KLF7: variants seen among roughly 807,000 people sequenced by gnomAD.
KLF7 encodes the protein KLF transcription factor 7.
KLF7 carries 2 observed loss-of-function variants against 27.3 expected under a neutral mutation model. The ratio of observed to expected loss-of-function variants is 0.07; its 90% CI spans 0.03 to 0.23. The LOEUF is 0.23. Among genes scored for constraint, KLF7 ranks in the 10% least tolerant of loss-of-function variants. The pLI is 1.00. For synonymous variants in KLF7, 165 were observed against 162.4 expected (o/e 1.02, Z -0.12); for missense variants, 221 against 394.1 (o/e 0.56, Z 3.72).
intron 1 of KLF7, among the ~76,000 whole-genome samples, chr2:207,153,094 G>T (rs2078288467): frequency 6.6e-6 from 1 of 152,080 alleles, no homozygotes; most frequent in Non-Finnish European, 1.5e-5. Flanking sequence ...GACTAGAGAA[G>T]TCACATCATT....
intron 2 of KLF7, among the ~76,000 whole-genome samples, chr2:207,108,878 T>G (rs1272881): frequency 0.82 from 124,696 of 152,212 alleles, 51,743 homozygotes; most frequent in African/African-American, 0.9. Context: ...TAAAGGCACA[T>G]AAATCATTTC....
rs573777440 is a variant in KLF7 at position 207,074,981 on chromosome 2, C to A, written c.*6232G>T. ...TAACCTAATACAACCTTTTGCTTTC[C>A]CTTTCTCCAAGAAAGAAAACTTTCA... is the stretch of plus-strand genomic sequence containing the variant. On this transcript the variant is annotated 3_prime_UTR_variant, in exon 4 of 4. Coordinates refer to ENST00000309446, the MANE Select transcript of KLF7 (RefSeq NM_003709.4). 2 of 152,204 alleles carry A rather than the reference C, an allele frequency of 1.3e-5. No homozygotes were observed. The highest frequency in any genetic ancestry group is 4.1e-4 in the South Asian group (2 of 4,834). The allele number at this position is 152,204 out of a possible 1,614,324, so 9.4% of individuals were successfully genotyped here.
chr2:207,116,131 G>A (rs796285368), intron 2 of KLF7, among the ~76,000 whole-genome samples: 10 of 152,304 alleles, frequency 6.6e-5, no homozygotes, highest in African/African-American at 2.2e-4. Context: ...TTCTCCATTC[G>A]GTACCGGAGT....
At position 207,124,150 on chromosome 2, in the gene KLF7, T is replaced by C; in HGVS notation, c.357A>G (p.Leu119=). 6.2e-7 allele frequency: 1 copy of C among 1,614,176 alleles called. No homozygotes were observed. Among genetic ancestry groups the C allele is most frequent in the East Asian group, 2.2e-5 (1 of 44,878 alleles). The change falls in exon 2 of 4, where the codon CTA becomes CTG. Residue 119 remains leucine (L), a synonymous_variant. Transcript: ENST00000309446. ...CCTGGTTGACGGCTGTGTAGCTGTC[T>C]AGAGAAGAGCTGGCCGGCTGGAGGC... The part of the protein sequence containing the change: ...CLSLQPASSS[L]DSYTAVNQAQ...
At position 207,076,353 on chromosome 2, in the gene KLF7, G is replaced by A. The variant is rs2076176298; in HGVS notation, c.*4860C>T. On this transcript the variant is annotated 3_prime_UTR_variant, in exon 4 of 4. Transcript: ENST00000309446. ...CCTGTTTGAAAAGAATATCTTGTTT[G>A]GGATATTTGTGAAGTGATGGCCCAG... The A allele has an allele frequency of 6.6e-6, 1 of 152,082 alleles. No individual in the cohort carries two copies. Among genetic ancestry groups the A allele is most frequent in the East Asian group, 1.9e-4 (1 of 5,168 alleles). 9.4% of individuals were successfully genotyped at this position (152,082 alleles called of 1,614,324 possible). A position where few individuals can be genotyped will look rare whatever the true frequency, so the allele number is the denominator to read the frequency against.
intron 3 of KLF7, among the ~76,000 whole-genome samples, chr2:207,086,032 A>T (rs1284738847): frequency 6.7e-6 from 1 of 148,284 alleles, no homozygotes; most frequent in Non-Finnish European, 1.5e-5. Flanking sequence ...AATTTTTTAA[A>T]ACTACCCTAT....
intron 1 of KLF7, among the ~76,000 whole-genome samples, chr2:207,163,413 G>A (rs1253012273): frequency 6.6e-6 from 1 of 152,196 alleles, no homozygotes; most frequent in Non-Finnish European, 1.5e-5. Flanking sequence ...AGGCAGAGGA[G>A]CAGGGGGAGG....
At chr2:207,109,566 T>C (rs144976933) in intron 2 of KLF7, among the ~76,000 whole-genome samples, 1 of 152,306 alleles carries the variant, frequency 6.6e-6, no homozygotes, top group East Asian at 1.9e-4. Context: ...GAAGGATGTA[T>C]GTGAAACACT....
At chr2:207,107,447 A>G (rs937873895) in intron 2 of KLF7, among the ~76,000 whole-genome samples, 4 of 152,158 alleles carry the variant, frequency 2.6e-5, no homozygotes, top group African/African-American at 9.7e-5. Context: ...ATCCCTATCA[A>G]TTTGGGTAAA....
At chr2:207,082,596 C>A (rs942805016) in intron 3 of KLF7, among the ~76,000 whole-genome samples, 9 of 152,202 alleles carry the variant, frequency 5.9e-5, no homozygotes, top group Non-Finnish European at 1.5e-5. Context: ...TGAATGAAAT[C>A]CCAGTGAAGT....
chr2:207,118,680 A>G (rs934977914), intron 2 of KLF7, among the ~76,000 whole-genome samples: 2 of 152,206 alleles, frequency 1.3e-5, no homozygotes, highest in Admixed American at 6.5e-5. Flanking sequence ...CATCTATAAA[A>G]TAAGATGGTA....
At chr2:207,126,502 C>T (rs961733148) in intron 1 of KLF7, among the ~76,000 whole-genome samples, 2 of 152,128 alleles carry the variant, frequency 1.3e-5, no homozygotes, top group Admixed American at 6.5e-5. Flanking sequence ...TGGAAATGAC[C>T]ACTAATACAT....
chr2:207,107,760 C>CACA (rs1408574436), intron 2 of KLF7, among the ~76,000 whole-genome samples: 1 of 152,186 alleles, frequency 6.6e-6, no homozygotes, highest in African/African-American at 2.4e-5. Context: ...CATACCAGCT[C>CACA]ACAGTTCTCT....
At chr2:207,149,615 T>C (rs375140163) in intron 1 of KLF7, among the ~76,000 whole-genome samples, 2 of 152,210 alleles carry the variant, frequency 1.3e-5, no homozygotes, top group East Asian at 1.9e-4. Flanking sequence ...TAAGGCAGTA[T>C]GAGAGTGCAG....
intron 1 of KLF7, among the ~76,000 whole-genome samples, chr2:207,135,936 T>C (rs2077772685): frequency 6.6e-6 from 1 of 152,222 alleles, no homozygotes; most frequent in Admixed American, 6.5e-5. Context: ...AAGTAAAAGC[T>C]GTCTCCTTGC....
chr2:207,125,453 G>A (rs2077453721), intron 1 of KLF7, among the ~76,000 whole-genome samples: 1 of 152,170 alleles, frequency 6.6e-6, no homozygotes, highest in Non-Finnish European at 1.5e-5. Flanking sequence ...AAGACCCACT[G>A]ATGGCAAATT....
At chr2:207,133,501 G>A (rs1476141707) in intron 1 of KLF7, among the ~76,000 whole-genome samples, 1 of 152,184 alleles carries the variant, frequency 6.6e-6, no homozygotes, top group Admixed American at 6.5e-5. Flanking sequence ...CAAGGACGTG[G>A]GAGGAGGCCT....
intron 1 of KLF7, among the ~76,000 whole-genome samples, chr2:207,152,028 A>G (rs2078260723): frequency 6.6e-6 from 1 of 152,240 alleles, no homozygotes; most frequent in African/African-American, 2.4e-5. Context: ...AGGAAGGCCA[A>G]GTGCCTTGCT....
chr2:207,119,726 C>T (rs1049709287), intron 2 of KLF7, among the ~76,000 whole-genome samples: 11 of 152,054 alleles, frequency 7.2e-5, no homozygotes, highest in African/African-American at 2.4e-4. Context: ...GTTTTTGAGA[C>T]GGTGTCTCAC....
Sources: allele counts gnomAD v4.1 joint callset (sites outside exome capture counted in the v4.1 genomes callset), GRCh38; gene constraint gnomAD v4.1.1; transcripts MANE v1.5; gene names NCBI Gene and HGNC (gene_info 2026-07-23, HGNC 2026-07-21).